The following SYT7 variants were observed in gnomAD, a reference collection of about 807,000 sequenced individuals.
SYT7 encodes synaptotagmin 7, also known as synaptotagmin-7.
A neutral mutation model predicts 75.1 loss-of-function variants in SYT7; 29 were observed. That is an observed-to-expected ratio of 0.39 (90% CI 0.29 to 0.53). The LOEUF (loss-of-function observed/expected upper bound fraction) is 0.53. Ranked by LOEUF, SYT7 falls within the 20% of genes least tolerant of loss-of-function variation. SYT7 has a pLI of 0.77. For missense variants in SYT7, 693 were observed against 953.2 expected (o/e 0.73, Z 3.59); for synonymous variants, 376 against 401.7 (o/e 0.94, Z 0.76).
intron 6 of SYT7, chr11:61,540,299 C>T (rs2063004794): frequency 5.8e-6 from 1 of 172,188 alleles, no homozygotes; most frequent in Admixed American, 6.5e-5. Context: ...ACCTGCCTCT[C>T]TACTGGAGCC....
chr11:61,553,744 A>G lies in SYT7; in HGVS notation c.136-2281T>C, dbSNP rs1190124189. On this transcript the variant is annotated intron_variant, in intron 2 of 12. Coordinates refer to ENST00000539008, the MANE Select transcript of SYT7 (RefSeq NM_001365809.2). The surrounding 1 kb of genome is among the most constrained non-coding windows in gnomAD (Gnocchi z 5.2). ...GCCTGCTTCTCAGGGAGGGGTGGCC[A>G]GGCTGATCCGGAAAAAGCCAGCTGG... Among the ~76,000 whole-genome samples the G allele has an allele frequency of 2.6e-5, 4 of 152,228 alleles. No individual in the cohort carries two copies. Among genetic ancestry groups the G allele is most frequent in the African/African-American group, 7.2e-5 (3 of 41,460 alleles).
At chr11:61,552,657 C>T (rs2063386608) in intron 2 of SYT7, among the ~76,000 whole-genome samples, 1 of 152,190 alleles carries the variant, frequency 6.6e-6, no homozygotes, top group South Asian at 2.1e-4. Context: ...CCAGGGGCAG[C>T]CCCTTCCCAG....
At chr11:61,565,667 C>T (rs2063747616) in intron 1 of SYT7, among the ~76,000 whole-genome samples, 1 of 152,228 alleles carries the variant, frequency 6.6e-6, no homozygotes, top group Non-Finnish European at 1.5e-5. Context: ...TTGGACCTAC[C>T]CCCACCCCAT....
intron 12 of SYT7, among the ~76,000 whole-genome samples, chr11:61,521,618 A>C (rs560412906): frequency 6.6e-6 from 1 of 152,276 alleles, no homozygotes; most frequent in Non-Finnish European, 1.5e-5. Context: ...CCCTCACCCC[A>C]GCAGGTGAGT....
chr11:61,565,944 A>G (rs181855324), intron 1 of SYT7, among the ~76,000 whole-genome samples: 1 of 152,394 alleles, frequency 6.6e-6, no homozygotes, highest in Admixed American at 6.5e-5. Flanking sequence ...ACGGTTTAGA[A>G]TTCAGAGGAG....
At position 61,528,028 on chromosome 11, in the gene SYT7, G is replaced by A. The variant is rs774442630; in HGVS notation, c.1358C>T (p.Thr453Ile). ...QELPAKDFSG[T>I]SDPFVKIYLL... ...GTAGATCTTGACGAAGGGGTCGCTG[G>A]TGCCGCTGAAGTCCTTGGCCGGCAG... is the stretch of plus-strand genomic sequence containing the variant. The change falls in exon 9 of 13, where the codon ACC (threonine) becomes ATC (isoleucine). Residue 453 changes from threonine to isoleucine, a missense_variant. Thr to Ile is a moderately conservative substitution (Grantham distance 89). This residue lies in a region of SYT7 where 206 missense variants were observed against 360.0 expected (regional missense o/e 0.57). Coordinates refer to ENST00000539008, the MANE Select transcript of SYT7 (RefSeq NM_001365809.2). 6.2e-7 allele frequency: 1 copy of A among 1,614,092 alleles called. No individual in the cohort carries two copies. The highest frequency in any genetic ancestry group is 1.7e-5 in the Admixed American group (1 of 60,028).
chr11:61,523,953 G>T lies in SYT7; in HGVS notation c.1642-12C>A. On this transcript the variant is annotated splice_polypyrimidine_tract_variant and intron_variant, in intron 10 of 12. Coordinates refer to ENST00000539008, the MANE Select transcript of SYT7 (RefSeq NM_001365809.2). The surrounding 1 kb of genome is among the most constrained non-coding windows in gnomAD (Gnocchi z 5.0). ...TCCCCTCGGCTCCCCTGGGAGGCACGACAGGAGGGGTGTGGGGAACTAGGC... is the reference window on the plus strand; with the variant it reads ...TCCCCTCGGCTCCCCTGGGAGGCACTACAGGAGGGGTGTGGGGAACTAGGC... The T allele has an allele frequency of 6.2e-7, 1 of 1,612,052 alleles. No homozygotes were observed. Among genetic ancestry groups the T allele is most frequent in the South Asian group, 1.1e-5 (1 of 91,020 alleles).
chr11:61,565,922 G>A (rs1191436699), intron 1 of SYT7, among the ~76,000 whole-genome samples: 4 of 152,264 alleles, frequency 2.6e-5, no homozygotes, highest in Admixed American at 1.3e-4. Context: ...CGCAGAGGCC[G>A]GCTAGATGCA....
At chr11:61,554,802 G>A (rs1299863183) in intron 2 of SYT7, among the ~76,000 whole-genome samples, 1 of 152,204 alleles carries the variant, frequency 6.6e-6, no homozygotes, top group African/African-American at 2.4e-5. Context: ...ACATCTGCAG[G>A]CAGAGGGGGA....
chr11:61,538,433 G>A (rs1183566167), intron 6 of SYT7, among the ~76,000 whole-genome samples, 167 bp from the exon 7 acceptor site: 1 of 151,658 alleles, frequency 6.6e-6, no homozygotes, highest in Non-Finnish European at 1.5e-5. Context: ...AGAAAAAAGT[G>A]TAAGAAACTG....
In SYT7 at chr11:61,518,755, G is replaced by C. The variant is rs370493937; in HGVS notation, c.1957-24C>G. ...ATCTGGGGAGAAAGGGGAGACGATG[G>C]CATCGGCACAGGCTCCAGGGCACTG... is the stretch of plus-strand genomic sequence containing the variant. On this transcript the variant is annotated intron_variant, in intron 12 of 12. Transcript: ENST00000539008. 40 of 1,503,310 alleles carry C rather than the reference G, an allele frequency of 2.7e-5. No individual in the cohort carries two copies. The South Asian group carries it at 4.5e-4, about 17-fold the overall frequency. 93.1% of individuals were successfully genotyped at this position (1,503,310 alleles called of 1,614,324 possible). A position where few individuals can be genotyped will look rare whatever the true frequency, so the allele number is the denominator to read the frequency against.
intron 3 of SYT7, among the ~76,000 whole-genome samples, chr11:61,548,136 G>T (rs1229820180): frequency 1.3e-5 from 2 of 152,218 alleles, no homozygotes; most frequent in Admixed American, 1.3e-4. Context: ...TGAAAGGGGA[G>T]CATTCCTGGG....
intron 9 of SYT7, among the ~76,000 whole-genome samples, chr11:61,527,105 A>AT (rs755905194): frequency 3.9e-5 from 6 of 152,112 alleles, no homozygotes; most frequent in African/African-American, 9.7e-5. Flanking sequence ...ATCCTCAGAG[A>AT]TAAGAGATAA....
At chr11:61,534,439 ACGCACG>A (rs940643035) in intron 7 of SYT7, among the ~76,000 whole-genome samples, 48 of 18,228 alleles carry the variant, frequency 2.6e-3, no homozygotes, top group Admixed American at 8.9e-3. Context: ...ACACACGCAC[ACGCACG>A]CACACACGCA....
At chr11:61,520,199 T>C (rs1451690409) in intron 12 of SYT7, among the ~76,000 whole-genome samples, 1 of 151,852 alleles carries the variant, frequency 6.6e-6, no homozygotes, top group African/African-American at 2.4e-5. Flanking sequence ...CAATAAACAG[T>C]GTATTTTTTT....
upstream of SYT7, among the ~76,000 whole-genome samples, chr11:61,583,052 C>A (rs930116001): frequency 3.3e-5 from 5 of 151,956 alleles, no homozygotes; most frequent in Admixed American, 3.3e-4. Context: ...CATGGTGAGA[C>A]CCCATATCTA....
intron 1 of SYT7, among the ~76,000 whole-genome samples, chr11:61,559,100 G>A (rs1283539874): frequency 6.6e-6 from 1 of 152,192 alleles, no homozygotes. Flanking sequence ...ACCACTCAGT[G>A]TCTCCCACGG....
In SYT7 at chr11:61,517,355, T is replaced by G. The variant is rs1055498587; in HGVS notation, c.*1272A>C. 1.0e-5 allele frequency: 4 copies of G among 398,594 alleles called. No homozygotes were observed. The highest frequency in any genetic ancestry group is 1.8e-5 in the Non-Finnish European group (4 of 226,120). The allele number at this position is 398,594 out of a possible 1,614,324, so 24.7% of individuals were successfully genotyped here. A position where few individuals can be genotyped will look rare whatever the true frequency, so the allele number is the denominator to read the frequency against. On this transcript the variant is annotated 3_prime_UTR_variant, in exon 13 of 13. Coordinates refer to ENST00000539008, the MANE Select transcript of SYT7 (RefSeq NM_001365809.2). ...ACTCACAGAATCCTGGTCTTTTCCC[T>G]GCCTCCTTTCCCTGCACTGTGAGTG...
At position 61,523,474 on chromosome 11, in the gene SYT7, C is replaced by T. The variant is rs2062414319; in HGVS notation, c.1757-200G>A. On this transcript the variant is annotated intron_variant, in intron 11 of 12. Coordinates refer to ENST00000539008, the MANE Select transcript of SYT7 (RefSeq NM_001365809.2). This position sits in a 1 kb window ranked among gnomAD's most constrained non-coding sequence, Gnocchi z 5.0. ...GCGATCACCTGGGGCCCTCCTATTA[C>T]TACCAATGAGGAAACTGAGCCCCAG... Among the ~76,000 whole-genome samples the T allele has an allele frequency of 6.6e-6, 1 of 152,140 alleles. No individual in the cohort carries two copies. Among genetic ancestry groups the T allele is most frequent in the Non-Finnish European group, 1.5e-5 (1 of 68,014 alleles).
Sources: gnomAD v4.1 joint callset for allele counts (sites outside exome capture counted in the v4.1 genomes callset) on GRCh38, gnomAD v4.1.1 for gene constraint, gnomAD v4.1.1 regional missense constraint, Gnocchi (gnomAD v3.1) non-coding constraint, MANE v1.5 for transcripts, NCBI Gene and HGNC (gene_info 2026-07-23, HGNC 2026-07-21) for gene names.